CHD9: variants seen among roughly 807,000 people sequenced by gnomAD.
CHD9 encodes chromodomain helicase DNA binding protein 9.
Under a neutral mutation model 316.1 loss-of-function variants are expected in CHD9, and 77 were observed. The observed-to-expected ratio is 0.24, with a 90% CI of 0.20 to 0.29. The LOEUF is 0.29. Among genes scored for constraint, CHD9 ranks in the 10% least tolerant of loss-of-function variants. The pLI is 1.00. For missense variants in CHD9, 2,763 were observed against 3,438.1 expected (o/e 0.80, Z 4.91); for synonymous variants, 1,129 against 1,158.3 (o/e 0.97, Z 0.51).
chr16:53,064,046 C>T (rs1181824907), intron 1 of CHD9, among the ~76,000 whole-genome samples: 4 of 151,542 alleles, frequency 2.6e-5, no homozygotes, highest in Non-Finnish European at 5.9e-5. Context: ...GTTGCCCAGG[C>T]TGGTCTCAAA....
At chr16:53,147,717 C>G (rs2040744558) in intron 1 of CHD9, among the ~76,000 whole-genome samples, 1 of 152,138 alleles carries the variant, frequency 6.6e-6, no homozygotes, top group Non-Finnish European at 1.5e-5. Context: ...GAGTAAGATT[C>G]TATTATAAAT....
In CHD9 at chr16:53,307,766, C is replaced by T. The variant is rs1338867336; in HGVS notation, c.6866C>T (p.Ala2289Val). 6.2e-7 allele frequency: 1 copy of T among 1,612,874 alleles called. No homozygotes were observed. Among genetic ancestry groups the T allele is most frequent in the African/African-American group, 1.3e-5 (1 of 75,024 alleles). ...KWPSARRSYD[A>V]NTVASFYTTK... is the part of the protein sequence containing the mutation. ...CCTTCAGCTAGAAGAAGTTATGATG[C>T]TAACACAGTGGCTTCTTTCTATACC... is the stretch of plus-strand genomic sequence containing the variant. Residue 2289 changes from alanine (A) to valine (V), a missense_variant, in exon 33 of 39, where the codon GCT (alanine) becomes GTT (valine). By Grantham distance (64) the Ala-to-Val change is moderately conservative. Coordinates refer to ENST00000447540, the MANE Select transcript of CHD9 (RefSeq NM_001308319.2).
intron 1 of CHD9, among the ~76,000 whole-genome samples, chr16:53,124,857 C>A (rs34312575): frequency 6.6e-6 from 1 of 152,112 alleles, no homozygotes; most frequent in Admixed American, 6.5e-5. Context: ...TGGGGCCCTC[C>A]CACTACACGT....
chr16:53,226,144 T>C (rs1419495457), intron 4 of CHD9, among the ~76,000 whole-genome samples: 1 of 152,086 alleles, frequency 6.6e-6, no homozygotes, highest in Non-Finnish European at 1.5e-5. Flanking sequence ...CTAATATTTG[T>C]TGTTTGAAAT....
chr16:53,284,907 A>C (rs1192635488), intron 24 of CHD9, among the ~76,000 whole-genome samples: 1 of 152,092 alleles, frequency 6.6e-6, no homozygotes, highest in Non-Finnish European at 1.5e-5. Context: ...CTGAGACTAC[A>C]GGTGTGCACC....
intron 29 of CHD9, among the ~76,000 whole-genome samples, chr16:53,294,683 A>C (rs763477127): frequency 7.9e-5 from 12 of 152,122 alleles, no homozygotes; most frequent in Non-Finnish European, 1.5e-4. Context: ...ACAAAATGTC[A>C]CTTTTGCCAC....
intron 30 of CHD9, among the ~76,000 whole-genome samples, chr16:53,300,254 G>GA (rs1339182002): frequency 6.6e-6 from 1 of 152,144 alleles, no homozygotes; most frequent in Admixed American, 6.5e-5. Flanking sequence ...TCGGGAGGCT[G>GA]AGGCAGGAGA....
intron 2 of CHD9, among the ~76,000 whole-genome samples, chr16:53,206,368 A>G (rs1034678886): frequency 7.1e-6 from 1 of 139,890 alleles, no homozygotes; most frequent in African/African-American, 2.6e-5. Context: ...GGAAAAAAAA[A>G]AAAAAACCAT....
At chr16:53,196,497 A>T (rs1016201443) in intron 2 of CHD9, among the ~76,000 whole-genome samples, 6 of 152,220 alleles carry the variant, frequency 3.9e-5, no homozygotes, top group Non-Finnish European at 8.8e-5. Flanking sequence ...AGCATGGTTC[A>T]TTGAGGGTTT....
chr16:53,203,022 T>C (rs775750456), intron 2 of CHD9, among the ~76,000 whole-genome samples: 4 of 152,202 alleles, frequency 2.6e-5, no homozygotes, highest in Non-Finnish European at 5.9e-5. Flanking sequence ...CATGTATTTA[T>C]TGATAGTTTG....
chr16:53,103,189 TG>T (rs1444804683), intron 1 of CHD9, among the ~76,000 whole-genome samples: 1 of 116,080 alleles, frequency 8.6e-6, no homozygotes, highest in Non-Finnish European at 1.7e-5. Flanking sequence ...AGATTTTATT[TG>T]TTTTTTTTTT....
intron 3 of CHD9, among the ~76,000 whole-genome samples, chr16:53,222,165 C>T (rs774341310): frequency 6.6e-5 from 10 of 152,140 alleles, no homozygotes; most frequent in Admixed American, 3.3e-4. Flanking sequence ...CAACCTCCGC[C>T]TCCCGGGCTC....
intron 17 of CHD9, 125 bp downstream of exon 17, chr16:53,250,191 C>T: frequency 1.5e-6 from 1 of 648,774 alleles, no homozygotes. Flanking sequence ...TATGAAATAT[C>T]TGTGCCAAAT....
At chr16:53,291,627 A>G in intron 27 of CHD9, 98 bp from the exon 28 acceptor site, 1 of 756,276 alleles carries the variant, frequency 1.3e-6, no homozygotes, top group South Asian at 1.9e-5. Context: ...ATTGGGGGAG[A>G]AAAGCTCTCT....
chr16:53,321,768 A>C, intron 38 of CHD9, 138 bp downstream of exon 38: 1 of 526,718 alleles, frequency 1.9e-6, no homozygotes, highest in Non-Finnish European at 3.2e-6. Flanking sequence ...TTTATTTTGC[A>C]GTACATGTTG....
chr16:53,115,546 C>T (rs2038227260), intron 1 of CHD9, among the ~76,000 whole-genome samples: 1 of 152,226 alleles, frequency 6.6e-6, no homozygotes, highest in African/African-American at 2.4e-5. Context: ...TGGAGCTGGG[C>T]TTCAGAACCT....
At chr16:53,229,944 A>G (rs1240728601) in intron 8 of CHD9, among the ~76,000 whole-genome samples, 1 of 152,058 alleles carries the variant, frequency 6.6e-6, no homozygotes, top group Non-Finnish European at 1.5e-5. Context: ...GAGAGTGTGT[A>G]TGTGTGCATG....
intron 4 of CHD9, 128 bp from the exon 5 acceptor site, chr16:53,226,238 A>G: frequency 1.8e-6 from 1 of 560,578 alleles, no homozygotes; most frequent in Non-Finnish European, 2.9e-6. Flanking sequence ...ACAAAATAGG[A>G]AAAGATAGTA....
intron 1 of CHD9, among the ~76,000 whole-genome samples, chr16:53,146,223 TAA>T (rs776269746): frequency 1.8e-4 from 18 of 97,942 alleles, no homozygotes; most frequent in Admixed American, 4.6e-4. Context: ...CCGTCTCTAC[TAA>T]AAAAAAAAAA....
Sources: allele counts gnomAD v4.1 joint callset (sites outside exome capture counted in the v4.1 genomes callset), GRCh38; gene constraint gnomAD v4.1.1; transcripts MANE v1.5; gene names NCBI Gene and HGNC (gene_info 2026-07-23, HGNC 2026-07-21).